ANKS1B: variants seen among roughly 807,000 people sequenced by gnomAD.
ANKS1B encodes ankyrin repeat and sterile alpha motif domain containing 1B, also known as ankyrin repeat and sterile alpha motif domain-containing protein 1B.
Under a neutral mutation model 148.3 loss-of-function variants are expected in ANKS1B, and 36 were observed. That is an observed-to-expected ratio of 0.24 (90% confidence interval 0.19 to 0.32). The LOEUF is 0.32. Among genes scored for constraint, ANKS1B ranks in the 10% least tolerant of loss-of-function variants. ANKS1B has a pLI of 1.00. For synonymous variants in ANKS1B, 542 were observed against 560.8 expected, an observed-to-expected ratio of 0.97 and a Z score of 0.47; for missense variants, 1,157 against 1,542.6, an observed-to-expected ratio of 0.75 and a Z score of 4.19.
At chr12:99,702,165 T>A (rs1384550693) in intron 8 of ANKS1B, among the ~76,000 whole-genome samples, 1 of 152,150 alleles carries the variant, frequency 6.6e-6, no homozygotes, top group Non-Finnish European at 1.5e-5. Context: ...CAATGGTGTA[T>A]GAGTTTTCCC....
intron 14 of ANKS1B, among the ~76,000 whole-genome samples, chr12:99,212,865 T>A (rs758900882): frequency 2.6e-5 from 4 of 152,204 alleles, no homozygotes; most frequent in Admixed American, 1.3e-4. Context: ...CTAAATCACT[T>A]CACATTCATA....
intron 19 of ANKS1B, among the ~76,000 whole-genome samples, chr12:98,810,595 T>C (rs987017702): frequency 2.0e-5 from 3 of 152,340 alleles, no homozygotes; most frequent in Admixed American, 2.0e-4. Flanking sequence ...AATTCATATA[T>C]ATATATTTAA....
intron 15 of ANKS1B, among the ~76,000 whole-genome samples, chr12:99,150,925 G>T (rs2074695740): frequency 6.6e-6 from 1 of 152,010 alleles, no homozygotes; most frequent in Non-Finnish European, 1.5e-5. Flanking sequence ...TCAGACAAAA[G>T]ATTCTGTTGT....
chr12:99,550,285 G>A (rs186854090), intron 9 of ANKS1B, among the ~76,000 whole-genome samples: 318 of 152,248 alleles, frequency 2.1e-3, no homozygotes, highest in Non-Finnish European at 3.4e-3. Context: ...CATAAGGGCT[G>A]CTTGCTCAAA....
intron 1 of ANKS1B, among the ~76,000 whole-genome samples, chr12:99,922,010 A>C (rs779540248): frequency 6.6e-6 from 1 of 152,170 alleles, no homozygotes; most frequent in Non-Finnish European, 1.5e-5. Context: ...TTCAAGTGCC[A>C]GCTCTGCCAC....
At chr12:99,391,632 T>C (rs2094074146) in intron 12 of ANKS1B, among the ~76,000 whole-genome samples, 1 of 152,234 alleles carries the variant, frequency 6.6e-6, no homozygotes, top group Non-Finnish European at 1.5e-5. Context: ...AATAGTATTA[T>C]ATCAACTAAT....
chr12:99,750,633 CAGTGGAAGATA>C (rs1462825535), intron 8 of ANKS1B, among the ~76,000 whole-genome samples: 1 of 152,012 alleles, frequency 6.6e-6, no homozygotes, highest in Non-Finnish European at 1.5e-5. Flanking sequence ...GAGTACTAGT[CAGTGGAAGATA>C]AGTGGAAATG....
intron 9 of ANKS1B, among the ~76,000 whole-genome samples, chr12:99,518,394 T>C (rs1364277848): frequency 6.6e-6 from 1 of 152,116 alleles, no homozygotes; most frequent in Non-Finnish European, 1.5e-5. Flanking sequence ...TCATTACTTG[T>C]TATTAGTCTG....
chr12:99,892,735 A>C (rs1044010672), intron 1 of ANKS1B, among the ~76,000 whole-genome samples: 1 of 152,218 alleles, frequency 6.6e-6, no homozygotes, highest in African/African-American at 2.4e-5. Context: ...CTACTCCAGC[A>C]AATGACTTTG....
At chr12:98,809,966 A>G (rs1450297235) in intron 19 of ANKS1B, among the ~76,000 whole-genome samples, 1 of 152,228 alleles carries the variant, frequency 6.6e-6, no homozygotes, top group African/African-American at 2.4e-5. Context: ...ACCCGAGGCC[A>G]TGCTAGGCAA....
At chr12:99,645,453 A>G (rs2098352720) in intron 9 of ANKS1B, among the ~76,000 whole-genome samples, 1 of 152,164 alleles carries the variant, frequency 6.6e-6, no homozygotes, top group Non-Finnish European at 1.5e-5. Context: ...CCTATCACAA[A>G]ACCGTAACTA....
chr12:98,879,317 G>A (rs113075241), intron 17 of ANKS1B, among the ~76,000 whole-genome samples: 2 of 152,190 alleles, frequency 1.3e-5, no homozygotes, highest in Non-Finnish European at 2.9e-5. Context: ...GTGCAAGGTA[G>A]ATATCATCAC....
chr12:98,793,750 A>C (rs1378222056), intron 22 of ANKS1B, among the ~76,000 whole-genome samples: 1 of 152,224 alleles, frequency 6.6e-6, no homozygotes, highest in Non-Finnish European at 1.5e-5. Context: ...AAGACTGCAG[A>C]GAGTATTAAA....
intron 17 of ANKS1B, among the ~76,000 whole-genome samples, chr12:98,882,463 C>A (rs7484501): frequency 6.6e-6 from 1 of 152,108 alleles, no homozygotes; most frequent in African/African-American, 2.4e-5. Context: ...CAAAGATTAT[C>A]AAATAAACAA....
intron 1 of ANKS1B, among the ~76,000 whole-genome samples, chr12:99,915,833 G>A (rs1021880960): frequency 9.2e-5 from 14 of 152,204 alleles, no homozygotes; most frequent in Non-Finnish European, 1.8e-4. Context: ...AGGGCTGGGT[G>A]AATCTGTTCC....
At chr12:98,857,687 T>G (rs926352517) in intron 17 of ANKS1B, among the ~76,000 whole-genome samples, 1 of 151,988 alleles carries the variant, frequency 6.6e-6, no homozygotes, top group Non-Finnish European at 1.5e-5. Flanking sequence ...GTGGCTAGGG[T>G]AGAGGATTAA....
intron 1 of ANKS1B, among the ~76,000 whole-genome samples, chr12:99,857,539 T>TA (rs1480221747): frequency 6.6e-6 from 1 of 151,912 alleles, no homozygotes; most frequent in Non-Finnish European, 1.5e-5. Flanking sequence ...AAGAAAATCC[T>TA]AAAATTAACG....
chr12:99,260,692 G>C (rs750948902), intron 12 of ANKS1B, among the ~76,000 whole-genome samples: 4 of 152,136 alleles, frequency 2.6e-5, no homozygotes, highest in Non-Finnish European at 4.4e-5. Context: ...TCAACTCTGC[G>C]AGTGTTTCCA....
chr12:99,964,675 T>C (rs2095462635), intron 1 of ANKS1B, among the ~76,000 whole-genome samples: 1 of 152,120 alleles, frequency 6.6e-6, no homozygotes, highest in Admixed American at 6.6e-5. Context: ...GCATGGGATG[T>C]CAGTATCCAA....
Sources: allele counts gnomAD v4.1 joint callset (sites outside exome capture counted in the v4.1 genomes callset), GRCh38; gene constraint gnomAD v4.1.1; transcripts MANE v1.5; gene names NCBI Gene and HGNC (gene_info 2026-07-23, HGNC 2026-07-21).